The following TUBGCP4 variants were observed in gnomAD, a reference collection of about 807,000 sequenced individuals.
TUBGCP4 encodes the protein tubulin gamma complex component 4, also known as gamma-tubulin complex component 4.
A neutral mutation model predicts 91.6 loss-of-function variants in TUBGCP4; 54 were observed. That is an observed-to-expected ratio of 0.59 (90% CI 0.47 to 0.74). TUBGCP4 has a LOEUF of 0.74. TUBGCP4 is among the 30% of genes least tolerant of loss of function. The probability of loss-of-function intolerance (pLI) is 0.00; values close to 1 mark genes in which losing one functional copy is unlikely to be tolerated. For missense variants in TUBGCP4, 593 were observed against 800.9 expected, an observed-to-expected ratio of 0.74 and a Z score of 3.13; for synonymous variants, 297 against 302.8, an observed-to-expected ratio of 0.98 and a Z score of 0.20.
At position 43,407,259 on chromosome 15, in the gene TUBGCP4, C is replaced by A. The variant is rs12079; in HGVS notation, c.*2045C>A. The stretch of plus-strand genomic sequence containing the variant: ...CAACATTTATTTTATCATAAAAGTT[C>A]AGCAAATAAAACTATATACAAGATC... On this transcript the variant is annotated 3_prime_UTR_variant, in exon 18 of 18. Coordinates refer to ENST00000564079, the MANE Select transcript of TUBGCP4 (RefSeq NM_014444.5). 3.9e-6 allele frequency: 3 copies of A among 773,692 alleles called. No individual in the cohort carries two copies. Among genetic ancestry groups the A allele is most frequent in the Non-Finnish European group, 6.2e-6 (3 of 483,038 alleles). The allele number at this position is 773,692 out of a possible 1,614,324, so 47.9% of individuals were successfully genotyped here.
In TUBGCP4 at chr15:43,395,611, GT is replaced by G; in HGVS notation, c.1095del (p.Gly366GlufsTer15). On this transcript the variant is annotated frameshift_variant, in exon 11 of 18. Transcript: ENST00000564079. LOFTEE classifies it high-confidence loss of function. ...KIIKDFYLLG[R>X]GELFQAFIDT... The stretch of plus-strand genomic sequence containing the variant: ...ATTAAAGACTTTTACCTTCTGGGAC[GT>G]GGAGAACTGTTTCAGGCCTTCATTG... The G allele has an allele frequency of 1.2e-6, 2 of 1,614,036 alleles. No homozygotes were observed. The highest frequency in any genetic ancestry group is 1.7e-6 in the Non-Finnish European group (2 of 1,179,924).
At position 43,398,184 on chromosome 15, in the gene TUBGCP4, GTAT is replaced by G; in HGVS notation, c.1418+7_1418+9del. 6.2e-7 allele frequency: 1 copy of G among 1,607,170 alleles called. No homozygotes were observed. The highest frequency in any genetic ancestry group is 1.1e-5 in the South Asian group (1 of 90,276). ...CACCCCAGCTGTCCTGGAAAAGTGA[GTAT>G]TTCTGAGTTTCTCACAGGTAAATAT... On this transcript the variant is annotated splice_donor_region_variant and intron_variant, in intron 13 of 17. Coordinates refer to ENST00000564079, the MANE Select transcript of TUBGCP4 (RefSeq NM_014444.5).
At chr15:43,372,091 G>C (rs1412119353) in intron 1 of TUBGCP4, among the ~76,000 whole-genome samples, 1 of 152,196 alleles carries the variant, frequency 6.6e-6, no homozygotes, top group Non-Finnish European at 1.5e-5. Flanking sequence ...AGCCAGGTCT[G>C]TCTGGCTTCA....
chr15:43,377,791 AT>A lies in TUBGCP4; in HGVS notation c.385-48del, dbSNP rs913358416. 5.7e-5 allele frequency: 80 copies of A among 1,393,388 alleles called. No homozygotes were observed. The African/African-American group carries it at 7.3e-4, about 13-fold the overall frequency. 86.3% of individuals were successfully genotyped at this position (1,393,388 alleles called of 1,614,324 possible). A position where few individuals can be genotyped will look rare whatever the true frequency, so the allele number is the denominator to read the frequency against. On this transcript the variant is annotated intron_variant, in intron 4 of 17. Coordinates refer to ENST00000564079, the MANE Select transcript of TUBGCP4 (RefSeq NM_014444.5). Reference sequence around the variant, plus strand: ...AGAAACAAAAGCATTTCCCAAGTTGATTTTTTTTCCCTTACATTTGATTACA... The same window carrying A: ...AGAAACAAAAGCATTTCCCAAGTTGATTTTTTTCCCTTACATTTGATTACA...
rs368708428 is a variant in TUBGCP4 at position 43,407,567 on chromosome 15, A to G, written c.*2353A>G. 1.5e-5 allele frequency: 24 copies of G among 1,610,100 alleles called. No individual in the cohort carries two copies. The highest frequency in any genetic ancestry group is 2.7e-5 in the African/African-American group (2 of 74,834). ...CACCACATCAAATACCCCTAAAGCA[A>G]TATCTGCAAGGAGCAAGGGAAAGTG... On this transcript the variant is annotated 3_prime_UTR_variant, in exon 18 of 18. Coordinates refer to ENST00000564079, the MANE Select transcript of TUBGCP4 (RefSeq NM_014444.5).
Position 43,405,424 on chromosome 15 carries a change from CAT to C in TUBGCP4, c.*211_*212del, listed in dbSNP as rs1371518350. Reference sequence around the variant, plus strand: ...GAAGGGTCTCTCCCATCAAGGAGAACATGTGGCATCTCTGATCCTTTACATTG... The same window carrying C: ...GAAGGGTCTCTCCCATCAAGGAGAACGTGGCATCTCTGATCCTTTACATTG... On this transcript the variant is annotated 3_prime_UTR_variant, in exon 18 of 18. Transcript: ENST00000564079. 6 of 605,144 alleles carry C rather than the reference CAT, an allele frequency of 9.9e-6. No individual in the cohort carries two copies. The highest frequency in any genetic ancestry group is 1.8e-5 in the Non-Finnish European group (6 of 340,190). The allele number at this position is 605,144 out of a possible 1,614,324, so 37.5% of individuals were successfully genotyped here.
chr15:43,387,574 G>T (rs550875464), intron 9 of TUBGCP4, among the ~76,000 whole-genome samples: 23 of 151,558 alleles, frequency 1.5e-4, no homozygotes, highest in African/African-American at 5.1e-4. Context: ...CGATTCTCCC[G>T]CCTCAGCCTC....
chr15:43,400,252 G>C, intron 14 of TUBGCP4, 31 bp downstream of exon 14: 2 of 1,595,872 alleles, frequency 1.3e-6, no homozygotes, highest in Admixed American at 3.4e-5. Context: ...AGAAGGAAGG[G>C]GTACGGAAAA....
Position 43,408,063 on chromosome 15 carries a change from T to C in TUBGCP4, c.*2849T>C. ...TCTGATACCAAGAGTACCTTCAGAT[T>C]CTGGAAAGGATTTTCACGGGGTTGC... On this transcript the variant is annotated 3_prime_UTR_variant, in exon 18 of 18. Coordinates refer to ENST00000564079, the MANE Select transcript of TUBGCP4 (RefSeq NM_014444.5). The C allele has an allele frequency of 6.2e-7, 1 of 1,614,068 alleles. No homozygotes were observed. The highest frequency in any genetic ancestry group is 1.1e-5 in the South Asian group (1 of 91,056).
intron 9 of TUBGCP4, among the ~76,000 whole-genome samples, chr15:43,392,572 C>A (rs1160547077): frequency 6.6e-6 from 1 of 152,006 alleles, no homozygotes; most frequent in Non-Finnish European, 1.5e-5. Flanking sequence ...GATCTCGGCT[C>A]ACTGCAACCT....
In TUBGCP4 at chr15:43,397,314, G is replaced by T. The variant is rs761734764; in HGVS notation, c.1272G>T (p.Glu424Asp). Residue 424 changes from glutamate to aspartate, a missense_variant, in exon 12 of 18, where the codon GAG becomes GAT. Glu to Asp is a conservative substitution (Grantham distance 45, BLOSUM62 2). Coordinates refer to ENST00000564079, the MANE Select transcript of TUBGCP4 (RefSeq NM_014444.5). ...LHLTIEYHGK[E>D]HKDATQAREG... The stretch of plus-strand genomic sequence containing the variant: ...TGACAATCGAGTATCACGGAAAGGA[G>T]CACAAAGGTTTGCCATTCCTCCCTG... The T allele has an allele frequency of 6.2e-7, 1 of 1,613,458 alleles. No homozygotes were observed. Among genetic ancestry groups the T allele is most frequent in the Non-Finnish European group, 8.5e-7 (1 of 1,179,404 alleles).
In TUBGCP4 at chr15:43,404,488, G is replaced by C; in HGVS notation, c.1924G>C (p.Ala642Pro). Reference sequence around the variant, plus strand: ...GAATCATCAGATCAACTCAGATTTGGCTCAACTACTGTTACGACTAGATTA... The same window carrying C: ...GAATCATCAGATCAACTCAGATTTGCCTCAACTACTGTTACGACTAGATTA... ...VRNHQINSDL[A>P]QLLLRLDYNK... The change falls in exon 17 of 18, where the codon GCT (alanine) becomes CCT (proline). Residue 642 changes from alanine (A) to proline (P), a missense_variant. Transcript: ENST00000564079. 6.2e-7 allele frequency: 1 copy of C among 1,614,118 alleles called. No homozygotes were observed.
chr15:43,407,746 C>T lies in TUBGCP4; in HGVS notation c.*2532C>T, dbSNP rs2044959755. On this transcript the variant is annotated 3_prime_UTR_variant, in exon 18 of 18. Coordinates refer to ENST00000564079, the MANE Select transcript of TUBGCP4 (RefSeq NM_014444.5). ...CAGAGTTATAATCACTATGTGCTGA[C>T]CTTGTAGAAATATTTAACAAATATA... 2 of 781,688 alleles carry T rather than the reference C, an allele frequency of 2.6e-6. No individual in the cohort carries two copies. Among genetic ancestry groups the T allele is most frequent in the Non-Finnish European group, 4.0e-6 (2 of 498,732 alleles). The allele number at this position is 781,688 out of a possible 1,614,324, so 48.4% of individuals were successfully genotyped here.
chr15:43,381,012 G>T (rs944062301), intron 6 of TUBGCP4, among the ~76,000 whole-genome samples: 1 of 151,556 alleles, frequency 6.6e-6, no homozygotes, highest in Non-Finnish European at 1.5e-5. Flanking sequence ...TTGCTATGTT[G>T]CCCAGGCTGG....
At position 43,408,507 on chromosome 15, in the gene TUBGCP4, C is replaced by T; in HGVS notation, c.*3293C>T. Reference sequence around the variant, plus strand: ...AAAAACTAAGCCCTATATTAGGGTCCCCCTTCTCTTCCTTCTTTCTATGAA... The same window carrying T: ...AAAAACTAAGCCCTATATTAGGGTCTCCCTTCTCTTCCTTCTTTCTATGAA... On this transcript the variant is annotated 3_prime_UTR_variant, in exon 18 of 18. Coordinates refer to ENST00000564079, the MANE Select transcript of TUBGCP4 (RefSeq NM_014444.5). The T allele has an allele frequency of 3.8e-6, 1 of 263,006 alleles. No individual in the cohort carries two copies. Among genetic ancestry groups the T allele is most frequent in the Non-Finnish European group, 7.4e-6 (1 of 135,888 alleles). The allele number at this position is 263,006 out of a possible 1,614,324, so 16.3% of individuals were successfully genotyped here.
chr15:43,399,895 T>TA, intron 13 of TUBGCP4, 149 bp from the exon 14 acceptor site: 3 of 542,492 alleles, frequency 5.5e-6, no homozygotes, highest in Non-Finnish European at 9.7e-6. Flanking sequence ...ATAAATAAAT[T>TA]ATAATTTATT....
At chr15:43,391,049 C>T (rs1261581173) in intron 9 of TUBGCP4, among the ~76,000 whole-genome samples, 1 of 148,368 alleles carries the variant, frequency 6.7e-6, no homozygotes, top group Non-Finnish European at 1.5e-5. Flanking sequence ...ATTCTTCTTA[C>T]TCTTCTTACT....
At chr15:43,398,785 A>C (rs1428000667) in intron 13 of TUBGCP4, among the ~76,000 whole-genome samples, 3 of 152,214 alleles carry the variant, frequency 2.0e-5, no homozygotes, top group Non-Finnish European at 2.9e-5. Context: ...GGGAGAAGAC[A>C]AAATCCTGTG....
At chr15:43,385,240 C>T (rs1595484364) in intron 7 of TUBGCP4, 2 of 393,050 alleles carry the variant, frequency 5.1e-6, no homozygotes, top group South Asian at 3.7e-5. Context: ...TAATCTGGGG[C>T]CCTTGGGTGG....
Sources: gnomAD v4.1 joint callset for allele counts (sites outside exome capture counted in the v4.1 genomes callset) on GRCh38, gnomAD v4.1.1 for gene constraint, MANE v1.5 for transcripts, NCBI Gene and HGNC (gene_info 2026-07-23, HGNC 2026-07-21) for gene names.